Variants in ADGRF5 observed in about 807,000 individuals in gnomAD.
ADGRF5 encodes adhesion G protein-coupled receptor F5.
Under a neutral mutation model 132.3 loss-of-function variants are expected in ADGRF5, and 75 were observed. The observed-to-expected ratio is 0.57, with a 90% confidence interval of 0.47 to 0.69. The LOEUF is 0.69. ADGRF5 is among the 30% of genes least tolerant of loss of function. ADGRF5 has a pLI of 0.00. For missense variants in ADGRF5, 1,516 were observed against 1,630.6 expected (o/e 0.93, Z 1.21); for synonymous variants, 629 against 597.6 (o/e 1.05, Z -0.77).
rs745779304 is a variant in ADGRF5 at position 46,859,326 on chromosome 6, C to T, written c.2577G>A (p.Lys859=). Residue 859 remains lysine (K), a synonymous_variant, in exon 17 of 21, where the codon AAG becomes AAA. Coordinates refer to ENST00000283296, the MANE Select transcript of ADGRF5 (RefSeq NM_001098518.2). ...GTTGATAGGTTTCTGGGTGGCTGGA[C>T]TTGATTACCATGCTGCTCATCTGCA... The part of the protein sequence containing the change: ...TNVQMSSMVI[K]SSHPETYQQR... The T allele has an allele frequency of 4.3e-6, 7 of 1,613,858 alleles. No homozygotes were observed. The highest frequency in any genetic ancestry group is 5.9e-6 in the Non-Finnish European group (7 of 1,179,790).
At chr6:46,904,916 A>C (rs1234123) in intron 2 of ADGRF5, among the ~76,000 whole-genome samples, 1 of 151,612 alleles carries the variant, frequency 6.6e-6, no homozygotes, top group Non-Finnish European at 1.5e-5. Flanking sequence ...TACCAAAGAA[A>C]AGTGGGGTCC....
At chr6:46,877,334 T>C (rs55765988) in intron 10 of ADGRF5, among the ~76,000 whole-genome samples, 50,210 of 82,044 alleles carry the variant, frequency 0.61, 13,727 homozygotes, top group East Asian at 0.68. Flanking sequence ...TCTTTCTTTC[T>C]TTCTTTCTTT....
intron 10 of ADGRF5, among the ~76,000 whole-genome samples, chr6:46,876,428 A>T (rs1338320329): frequency 6.6e-6 from 1 of 152,186 alleles, no homozygotes; most frequent in African/African-American, 2.4e-5. Context: ...CAGGATACCT[A>T]CACCTCCTCT....
At chr6:46,904,409 C>G (rs1415351811) in intron 2 of ADGRF5, among the ~76,000 whole-genome samples, 1 of 152,098 alleles carries the variant, frequency 6.6e-6, no homozygotes, top group Admixed American at 6.5e-5. Flanking sequence ...CATAGATAAA[C>G]CTTGAGGATA....
At chr6:46,893,157 C>T (rs76409873) in intron 3 of ADGRF5, among the ~76,000 whole-genome samples, 3 of 135,214 alleles carry the variant, frequency 2.2e-5, no homozygotes, top group East Asian at 2.4e-4. Flanking sequence ...AAGGGATGAA[C>T]CAGGAAGCTC....
rs1772260880 is a variant in ADGRF5, at chr6:46,879,905, T to G, written c.949A>C (p.Ser317Arg). Residue 317 changes from serine (S) to arginine (R), a missense_variant, in exon 9 of 21, where the codon AGC becomes CGC. Ser to Arg is a moderately radical substitution (Grantham distance 110, BLOSUM62 -1). Transcript: ENST00000283296. ...EEQQLEIQNS[S>R]RFSIYTALFN... The stretch of plus-strand genomic sequence containing the variant: ...AGTGCGGTGTAAATCGAGAATCTGC[T>G]GCTGTTCTGGATTTCCAACTGCTGT... 1 of 1,613,988 alleles carries G rather than the reference T, an allele frequency of 6.2e-7. No homozygotes were observed. Among genetic ancestry groups the G allele is most frequent in the African/African-American group, 1.3e-5 (1 of 74,932 alleles).
chr6:46,872,085 A>C, intron 10 of ADGRF5, 72 bp from the exon 11 acceptor site: 1 of 1,069,986 alleles, frequency 9.3e-7, no homozygotes, highest in South Asian at 1.9e-5. Context: ...AGGTCAAATC[A>C]TTTTTTTTTC....
chr6:46,910,321 T>C (rs1347532214), intron 1 of ADGRF5, among the ~76,000 whole-genome samples: 1 of 152,176 alleles, frequency 6.6e-6, no homozygotes, highest in East Asian at 1.9e-4. Flanking sequence ...TAATAATTGC[T>C]GGTGACAATG....
At position 46,948,742 on chromosome 6, in the gene ADGRF5, A is replaced by T. The variant is rs1778390737; in HGVS notation, c.-25+5992T>A. 2.6e-5 allele frequency among the ~76,000 whole-genome samples: 4 copies of T among 152,324 alleles called. No homozygotes were observed. The South Asian group carries it at 6.2e-4, about 24-fold the overall frequency. On this transcript the variant is annotated intron_variant, in intron 1 of 20. Transcript: ENST00000265417. The stretch of plus-strand genomic sequence containing the variant: ...TGAATTGCCGTCACCGGTCTCTGGA[A>T]TATTTTTGGATGACTACTCATTTGC...
At chr6:46,937,781 C>G (rs1208036192) in intron 1 of ADGRF5, among the ~76,000 whole-genome samples, 2 of 152,126 alleles carry the variant, frequency 1.3e-5, no homozygotes, top group Non-Finnish European at 2.9e-5. Context: ...CAATACATAT[C>G]TTGACAGTCG....
intron 1 of ADGRF5, among the ~76,000 whole-genome samples, chr6:46,910,528 T>C (rs113867545): frequency 4.1e-4 from 63 of 152,262 alleles, no homozygotes; most frequent in Middle Eastern, 3.4e-3. Flanking sequence ...TCTGATACTA[T>C]TAAATTACCC....
chr6:46,871,847 A>G lies in ADGRF5; in HGVS notation c.1407T>C (p.Ser469=). 6.3e-7 allele frequency: 1 copy of G among 1,591,486 alleles called. No homozygotes were observed. The highest frequency in any genetic ancestry group is 8.6e-7 in the Non-Finnish European group (1 of 1,162,514). ...GSANIKVTFI[S]VANLTITPDP... is the part of the protein sequence containing the mutation. ...AATGCTAGGGAGAGTCCTTACCCACAGAGATGAATGTCACTTTTATGTTTG... is the reference window on the plus strand; with the variant it reads ...AATGCTAGGGAGAGTCCTTACCCACGGAGATGAATGTCACTTTTATGTTTG... Residue 469 remains serine (S), a synonymous_variant, in exon 11 of 21, where the codon TCT becomes TCC. Transcript: ENST00000283296.
At chr6:46,901,201 G>C (rs920511389) in intron 2 of ADGRF5, among the ~76,000 whole-genome samples, 1 of 152,018 alleles carries the variant, frequency 6.6e-6, no homozygotes. Context: ...TTCACTCATG[G>C]GATCACCACC....
At chr6:46,953,685 A>ATATATATATATATATATATC (rs1326327311) in intron 1 of ADGRF5, among the ~76,000 whole-genome samples, 11 of 126,956 alleles carry the variant, frequency 8.7e-5, no homozygotes, top group African/African-American at 2.9e-4. Context: ...ATATATATAT[A>ATATATATATATATATATATC]TATATCTCAC....
intron 10 of ADGRF5, among the ~76,000 whole-genome samples, chr6:46,872,339 T>C (rs762837262): frequency 6.6e-6 from 1 of 152,090 alleles, no homozygotes; most frequent in Non-Finnish European, 1.5e-5. Flanking sequence ...TGAGATAATA[T>C]ACATAAACTC....
intron 1 of ADGRF5, among the ~76,000 whole-genome samples, chr6:46,913,671 G>A (rs999711764): frequency 6.6e-6 from 1 of 152,178 alleles, no homozygotes; most frequent in African/African-American, 2.4e-5. Context: ...AAGAGTTATA[G>A]AGTGTTTGGG....
At position 46,853,021 on chromosome 6, in the gene ADGRF5, T is replaced by G. The variant is rs1181628200; in HGVS notation, c.*971A>C. On this transcript the variant is annotated 3_prime_UTR_variant, in exon 21 of 21. Coordinates refer to ENST00000283296, the MANE Select transcript of ADGRF5 (RefSeq NM_001098518.2). ...AATATATGACAGGGTCTGTCTTCAG[T>G]GCAACATATCAAATTTGGCAATTGA... 4 of 152,658 alleles carry G rather than the reference T, an allele frequency of 2.6e-5. No individual in the cohort carries two copies. The East Asian group carries it at 5.8e-4, about 22-fold the overall frequency. 9.5% of individuals were successfully genotyped at this position (152,658 alleles called of 1,614,324 possible).
intron 1 of ADGRF5, among the ~76,000 whole-genome samples, chr6:46,919,377 T>G (rs997581631): frequency 6.6e-6 from 1 of 152,244 alleles, no homozygotes; most frequent in African/African-American, 2.4e-5. Flanking sequence ...ATAAGTTACC[T>G]GCTTTACCTG....
At chr6:46,937,879 G>A (rs925049922) in intron 1 of ADGRF5, among the ~76,000 whole-genome samples, 18 of 152,116 alleles carry the variant, frequency 1.2e-4, no homozygotes, top group African/African-American at 4.3e-4. Context: ...AAGGCAGCAT[G>A]AACAGCATGA....
Sources: gnomAD v4.1 joint callset for allele counts (sites outside exome capture counted in the v4.1 genomes callset) on GRCh38, gnomAD v4.1.1 for gene constraint, MANE v1.5 for transcripts, NCBI Gene and HGNC (gene_info 2026-07-23, HGNC 2026-07-21) for gene names.